Variants in SCNN1D observed in about 807,000 individuals in gnomAD.
The protein encoded by SCNN1D is epithelial sodium channel subunit delta.
A neutral mutation model predicts 87.8 loss-of-function variants in SCNN1D; 104 were observed. The observed-to-expected ratio is 1.18, with a 90% CI of 1.01 to 1.39. The LOEUF (loss-of-function observed/expected upper bound fraction) is 1.39, where lower values mean the gene tolerates loss of function less well. Ranked by LOEUF, SCNN1D falls within the 40% of genes most tolerant of loss-of-function variation. SCNN1D has a pLI of 0.00. For missense variants in SCNN1D, 1,324 were observed against 1,093.9 expected (o/e 1.21, Z -2.97); for synonymous variants, 628 against 481.2 (o/e 1.31, Z -3.99).
intron 4 of SCNN1D, among the ~76,000 whole-genome samples, chr1:1,283,765 C>T (rs932101004): frequency 1.3e-5 from 2 of 151,878 alleles, no homozygotes; most frequent in African/African-American, 4.8e-5. Context: ...CTCCCCCTCC[C>T]TCCACAGGCT....
Position 1,291,704 on chromosome 1 carries a change from C to A in SCNN1D, c.*94C>A. 1 of 969,410 alleles carries A rather than the reference C, an allele frequency of 1.0e-6. No individual in the cohort carries two copies. Among genetic ancestry groups the A allele is most frequent in the Non-Finnish European group, 1.5e-6 (1 of 676,674 alleles). The allele number at this position is 969,410 out of a possible 1,614,324, so 60.1% of individuals were successfully genotyped here. On this transcript the variant is annotated 3_prime_UTR_variant, in exon 18 of 18. Transcript: ENST00000379116. ...AGCGGCCCAGGGTGGGCCAGACCAGCAGCCCAGGAAGCAGCACACGCGGCC... is the reference window on the plus strand; with the variant it reads ...AGCGGCCCAGGGTGGGCCAGACCAGAAGCCCAGGAAGCAGCACACGCGGCC...
In SCNN1D at chr1:1,287,665, C is replaced by T; in HGVS notation, c.1400-8C>T. 6.2e-7 allele frequency: 1 copy of T among 1,611,756 alleles called. No individual in the cohort carries two copies. Among genetic ancestry groups the T allele is most frequent in the South Asian group, 1.1e-5 (1 of 91,004 alleles). The stretch of plus-strand genomic sequence containing the variant: ...CAGGTGGCCTCACACCAGCCCTTGG[C>T]CTCCCAGGAGTCGGCCTGGTCCTCA... On this transcript the variant is annotated splice_polypyrimidine_tract_variant and splice_region_variant and intron_variant, in intron 10 of 17. Coordinates refer to ENST00000379116, the MANE Select transcript of SCNN1D (RefSeq NM_001130413.4).
chr1:1,283,704 A>G (rs1489963321), intron 4 of SCNN1D, among the ~76,000 whole-genome samples: 1 of 151,802 alleles, frequency 6.6e-6, no homozygotes, highest in Non-Finnish European at 1.5e-5. Flanking sequence ...ATCTCAAGAA[A>G]AGAAAGAAAG....
Position 1,290,300 on chromosome 1 carries a change from G to A in SCNN1D, c.1692G>A (p.Leu564=). 6.3e-7 allele frequency: 1 copy of A among 1,581,170 alleles called. No homozygotes were observed. Among genetic ancestry groups the A allele is most frequent in the Non-Finnish European group, 8.6e-7 (1 of 1,161,684 alleles). ...QACLVSCFQQ[L]MVETCSCGYY... ...GCCTGGTGTCCTGCTTCCAGCAGCT[G>A]ATGGTGGAGACCTGCTCCTGTGGCT... Residue 564 remains leucine (L), a synonymous_variant, in exon 13 of 18, where the codon CTG becomes CTA. Coordinates refer to ENST00000379116, the MANE Select transcript of SCNN1D (RefSeq NM_001130413.4).
At chr1:1,285,775 A>C in intron 6 of SCNN1D, 111 bp downstream of exon 6, 6 of 1,198,224 alleles carry the variant, frequency 5.0e-6, no homozygotes, top group Non-Finnish European at 7.0e-6. Flanking sequence ...TCCGGGGAGA[A>C]GGGCGCAGTG....
At chr1:1,281,141 C>T (rs894439128) in intron 1 of SCNN1D, 85 bp from the exon 2 acceptor site, 36 of 1,277,880 alleles carry the variant, frequency 2.8e-5, no homozygotes, top group African/African-American at 7.4e-5. Context: ...GAGTGGGGGA[C>T]GCTCACCCCA....
In SCNN1D at chr1:1,284,311, GGGGTA is replaced by G. The variant is rs1213982593; in HGVS notation, c.464+225_464+229del. Among the ~76,000 whole-genome samples, 69 of 110,836 alleles carry G rather than the reference GGGGTA, an allele frequency of 6.2e-4. 1 individual carries two copies. The highest frequency in any genetic ancestry group is 2.3e-3 in the African/African-American group (62 of 26,410). 72.7% of individuals were successfully genotyped at this position (110,836 alleles called of 152,430 possible). ...AGGTACCGTGGGGGGATTGGGGTGG[GGGGTA>G]GGGGTGGGGGGGTGGGGCTGGCGGG... On this transcript the variant is annotated intron_variant, in intron 5 of 17. Transcript: ENST00000379116.
Position 1,291,420 on chromosome 1 carries a change from G to A in SCNN1D, c.2219G>A (p.Ser740Asn), listed in dbSNP as rs780301070. Residue 740 changes from serine (S) to asparagine (N), a missense_variant, in exon 18 of 18, where the codon AGC (serine) becomes AAC (asparagine). By Grantham distance (46) the Ser-to-Asn change is conservative. Transcript: ENST00000379116. ...RRAWFSWPRA[S>N]PASGASSIKP... ...GCGTGGTTCTCCTGGCCCAGAGCCA[G>A]CCCTGCCTCAGGGGCGTCCAGCATC... 3.7e-6 allele frequency: 6 copies of A among 1,607,236 alleles called. No homozygotes were observed. Among genetic ancestry groups the A allele is most frequent in the East Asian group, 2.2e-5 (1 of 44,778 alleles).
chr1:1,284,751 G>A (rs961211558), intron 5 of SCNN1D, among the ~76,000 whole-genome samples: 3 of 152,078 alleles, frequency 2.0e-5, no homozygotes, highest in African/African-American at 7.3e-5. Flanking sequence ...TGGCCACATG[G>A]CACGACGCAG....
In SCNN1D at chr1:1,290,264, T is replaced by G; in HGVS notation, c.1663-7T>G. On this transcript the variant is annotated splice_region_variant and splice_polypyrimidine_tract_variant and intron_variant, in intron 12 of 17. Transcript: ENST00000379116. ...CCCATGTCCCTGCTCATCCCCCCTG[T>G]CCCCAGGCCTGCCTGGTGTCCTGCT... 1 of 1,548,214 alleles carries G rather than the reference T, an allele frequency of 6.5e-7. No homozygotes were observed. Among genetic ancestry groups the G allele is most frequent in the East Asian group, 2.3e-5 (1 of 44,290 alleles).
rs779070896 is a variant in SCNN1D, at chr1:1,291,503, C to A, written c.2302C>A (p.Pro768Thr). 6.2e-7 allele frequency: 1 copy of A among 1,608,850 alleles called. No individual in the cohort carries two copies. Among genetic ancestry groups the A allele is most frequent in the Admixed American group, 1.7e-5 (1 of 59,878 alleles). ...PAGGTSDDPE[P>T]SGPHLPRVML... is the part of the protein sequence containing the mutation. ...AGGCGGCACGTCAGATGACCCGGAG[C>A]CCAGCGGGCCTCATCTCCCACGGGT... The change falls in exon 18 of 18, where the codon CCC (proline) becomes ACC (threonine). Residue 768 changes from proline to threonine, a missense_variant. Physicochemically the swap from Pro to Thr is conservative, Grantham distance 38. Transcript: ENST00000379116.
chr1:1,286,657 T>A, intron 7 of SCNN1D, 111 bp from the exon 8 acceptor site: 1 of 1,059,432 alleles, frequency 9.4e-7, no homozygotes, highest in Non-Finnish European at 1.4e-6. Context: ...CTCACCCCAC[T>A]GGGCGTCCCG....
At chr1:1,280,798 C>T in intron 1 of SCNN1D, 132 bp downstream of exon 1, 1 of 639,442 alleles carries the variant, frequency 1.6e-6, no homozygotes, top group Non-Finnish European at 2.9e-6. Context: ...ATGAGGGAAC[C>T]TAGAAGGCAG....
At chr1:1,288,261 GTC>G (rs1384767388) in intron 12 of SCNN1D, among the ~76,000 whole-genome samples, 198 of 105,306 alleles carry the variant, frequency 1.9e-3, no homozygotes, top group Middle Eastern at 9.5e-3. Flanking sequence ...TCCGTCCCGT[GTC>G]TCTGCTCCGT....
intron 10 of SCNN1D, 26 bp from the exon 11 acceptor site, chr1:1,287,647 C>A (rs1419858896): frequency 4.3e-6 from 7 of 1,611,348 alleles, no homozygotes; most frequent in Non-Finnish European, 5.9e-6. Context: ...GGTCAGGTGG[C>A]CTCACACCAG....
chr1:1,291,524 C>G lies in SCNN1D; in HGVS notation c.2323C>G (p.Arg775Gly). The G allele has an allele frequency of 6.2e-7, 1 of 1,606,556 alleles. No individual in the cohort carries two copies. Residue 775 changes from arginine to glycine, a missense_variant, in exon 18 of 18, where the codon CGG becomes GGG. Transcript: ENST00000379116. ...GGAGCCCAGCGGGCCTCATCTCCCA[C>G]GGGTGATGCTTCCAGGGGTTCTGGC... ...DPEPSGPHLP[R>G]VMLPGVLAGV...
chr1:1,281,319 G>A (rs1365499831), intron 2 of SCNN1D, 22 bp downstream of exon 2: 1 of 1,535,660 alleles, frequency 6.5e-7, no homozygotes, highest in Non-Finnish European at 8.7e-7. Flanking sequence ...GCCATGCTCG[G>A]TCAATGGGGC....
At chr1:1,281,378 C>A in intron 2 of SCNN1D, 33 bp from the exon 3 acceptor site, 1 of 1,529,432 alleles carries the variant, frequency 6.5e-7, no homozygotes, top group Non-Finnish European at 8.8e-7. Context: ...CAAAGGGAGC[C>A]AGGGATGCCT....
At position 1,287,365 on chromosome 1, in the gene SCNN1D, G is replaced by A. The variant is rs536951351; in HGVS notation, c.1310+66G>A. 93 of 1,502,408 alleles carry A rather than the reference G, an allele frequency of 6.2e-5. No homozygotes were observed. In the East Asian group the frequency reaches 2.0e-3, roughly 33 times the overall value. 93.1% of individuals were successfully genotyped at this position (1,502,408 alleles called of 1,614,324 possible). On this transcript the variant is annotated intron_variant, in intron 9 of 17. Transcript: ENST00000379116. ...CACAGAGCGTGGCCGCACCCCTGGGGTCCCTCTGGCTGTATGCTGGGAGCC... is the reference window on the plus strand; with the variant it reads ...CACAGAGCGTGGCCGCACCCCTGGGATCCCTCTGGCTGTATGCTGGGAGCC...
Sources: allele counts gnomAD v4.1 joint callset (sites outside exome capture counted in the v4.1 genomes callset), GRCh38; gene constraint gnomAD v4.1.1; transcripts MANE v1.5; gene names NCBI Gene and HGNC (gene_info 2026-07-23, HGNC 2026-07-21).